The following PTPRD variants were observed in gnomAD, a reference collection of about 807,000 sequenced individuals.
The protein encoded by PTPRD is receptor-type tyrosine-protein phosphatase delta.
Under a neutral mutation model 214.5 loss-of-function variants are expected in PTPRD, and 34 were observed. The observed-to-expected ratio is 0.16, with a 90% confidence interval of 0.12 to 0.21. The LOEUF (loss-of-function observed/expected upper bound fraction) is 0.21. Ranked by LOEUF, PTPRD falls within the 10% of genes least tolerant of loss-of-function variation. PTPRD has a pLI of 1.00. For synonymous variants in PTPRD, 1,128 were observed against 845.7 expected (o/e 1.33, Z -5.79); for missense variants, 2,545 against 2,398.7 (o/e 1.06, Z -1.27).
intron 35 of PTPRD, among the ~76,000 whole-genome samples, chr9:8,416,209 G>A (rs914590829): frequency 4.6e-5 from 7 of 152,106 alleles, no homozygotes; most frequent in Non-Finnish European, 7.4e-5. Flanking sequence ...ATCTAGTGAC[G>A]TGGAAAGATA....
chr9:8,524,548 C>T (rs2097965012), intron 18 of PTPRD, among the ~76,000 whole-genome samples: 2 of 151,906 alleles, frequency 1.3e-5, no homozygotes, highest in East Asian at 1.9e-4. Context: ...ATTAGTAGCA[C>T]ACCAAGCAAT....
rs151017923 is a variant in PTPRD, at chr9:9,082,890, G to A, written c.-142-64155C>T. Among the ~76,000 whole-genome samples, 1,088 of 152,142 alleles carry A rather than the reference G, an allele frequency of 7.2e-3. 11 individuals are homozygous for A. The highest frequency in any genetic ancestry group is 0.016 in the African/African-American group (649 of 41,514). ...AGGAGAACTACAAACCACTGCTCAA[G>A]GAAAACAGAGAGGATACAAACGAAT... On this transcript the variant is annotated intron_variant, in intron 10 of 45. Transcript: ENST00000381196.
rs548091296 is a variant in PTPRD, at chr9:9,715,915, C to T, written c.-287+18618G>A. 1.5e-3 allele frequency among the ~76,000 whole-genome samples: 222 copies of T among 152,208 alleles called. 2 individuals are homozygous for T. The highest frequency in any genetic ancestry group is 4.7e-3 in the African/African-American group (195 of 41,540). On this transcript the variant is annotated intron_variant, in intron 7 of 45. Coordinates refer to ENST00000381196, the MANE Select transcript of PTPRD (RefSeq NM_002839.4). Reference sequence around the variant, plus strand: ...ATGTGCACAATGTGCAGGTTAGTTACGTATGTATACATGTGCCATGCTGGT... The same window carrying T: ...ATGTGCACAATGTGCAGGTTAGTTATGTATGTATACATGTGCCATGCTGGT...
chr9:8,444,534 CAAAT>C (rs2095654579), intron 34 of PTPRD, among the ~76,000 whole-genome samples: 1 of 151,574 alleles, frequency 6.6e-6, no homozygotes, highest in African/African-American at 2.4e-5. Flanking sequence ...TTAAATATGT[CAAAT>C]AAAAAAGAAA....
At chr9:8,696,965 TTC>T (rs2097923394) in intron 12 of PTPRD, among the ~76,000 whole-genome samples, 1 of 137,500 alleles carries the variant, frequency 7.3e-6, no homozygotes, top group African/African-American at 3.0e-5. Flanking sequence ...CATTTTAGTT[TTC>T]TCTTTCTTTT....
intron 4 of PTPRD, among the ~76,000 whole-genome samples, chr9:9,981,096 C>G (rs1042705821): frequency 1.3e-5 from 2 of 152,036 alleles, no homozygotes; most frequent in African/African-American, 4.8e-5. Context: ...AAGTCTACAT[C>G]ACGTTATTAT....
At chr9:8,858,579 C>A (rs987481612) in intron 11 of PTPRD, among the ~76,000 whole-genome samples, 1 of 152,166 alleles carries the variant, frequency 6.6e-6, no homozygotes, top group African/African-American at 2.4e-5. Context: ...ATCCTCGTAA[C>A]GTGCTGGGGA....
intron 11 of PTPRD, among the ~76,000 whole-genome samples, chr9:8,758,380 G>C (rs1262519492): frequency 6.6e-6 from 1 of 152,108 alleles, no homozygotes; most frequent in Non-Finnish European, 1.5e-5. Context: ...TGTGAGTTCA[G>C]GATGGGAAAA....
intron 2 of PTPRD, among the ~76,000 whole-genome samples, chr9:10,531,632 T>C (rs1438397580): frequency 6.6e-6 from 1 of 152,202 alleles, no homozygotes; most frequent in Non-Finnish European, 1.5e-5. Context: ...TGACATTGGA[T>C]ACAAAGTTGT....
intron 12 of PTPRD, among the ~76,000 whole-genome samples, chr9:8,682,225 A>G (rs2097565086): frequency 6.6e-6 from 1 of 152,222 alleles, no homozygotes; most frequent in Non-Finnish European, 1.5e-5. Flanking sequence ...TTTGCACGAG[A>G]GAAGTCTAAA....
chr9:9,851,875 T>C (rs2060611664), intron 5 of PTPRD, among the ~76,000 whole-genome samples: 1 of 152,342 alleles, frequency 6.6e-6, no homozygotes. Flanking sequence ...CATGATCCCT[T>C]ACTGTTAACA....
chr9:10,089,492 G>T (rs1590849501), intron 3 of PTPRD, among the ~76,000 whole-genome samples: 1 of 151,540 alleles, frequency 6.6e-6, no homozygotes, highest in East Asian at 2.0e-4. Flanking sequence ...TAATAATGGT[G>T]AGTGGGATTA....
intron 5 of PTPRD, among the ~76,000 whole-genome samples, chr9:9,779,712 G>A (rs572995771): frequency 1.3e-5 from 2 of 152,218 alleles, no homozygotes; most frequent in Middle Eastern, 6.8e-3. Context: ...ACAACAGCTG[G>A]TAAGGCTATG....
chr9:10,519,040 G>T (rs188849316), intron 2 of PTPRD, among the ~76,000 whole-genome samples: 1 of 151,538 alleles, frequency 6.6e-6, no homozygotes, highest in East Asian at 1.9e-4. Context: ...CTTACCTTTT[G>T]CCTCCCAGCT....
intron 2 of PTPRD, among the ~76,000 whole-genome samples, chr9:10,350,858 C>T (rs113597804): frequency 0.012 from 1,805 of 152,218 alleles, 50 homozygotes; most frequent in African/African-American, 0.041. Context: ...AACAAAGAGA[C>T]AGGTGTTTGG....
intron 5 of PTPRD, chr9:9,799,430 G>T (rs1175448207): frequency 1.3e-5 from 2 of 152,274 alleles, no homozygotes; most frequent in East Asian, 3.9e-4. Flanking sequence ...AGCCCTAAGG[G>T]TAGAAAGGGA....
At chr9:8,677,885 A>T (rs1029994207) in intron 12 of PTPRD, among the ~76,000 whole-genome samples, 6 of 152,102 alleles carry the variant, frequency 3.9e-5, no homozygotes, top group Non-Finnish European at 8.8e-5. Context: ...AATCAGAGGA[A>T]GGGGAAAGCA....
At chr9:9,452,717 T>C (rs1002232455) in intron 8 of PTPRD, among the ~76,000 whole-genome samples, 1 of 151,234 alleles carries the variant, frequency 6.6e-6, no homozygotes, top group African/African-American at 2.4e-5. Context: ...TTAAAGTCAA[T>C]TATCAGATAT....
intron 2 of PTPRD, among the ~76,000 whole-genome samples, chr9:10,422,361 G>C (rs1168300094): frequency 6.6e-6 from 1 of 151,700 alleles, no homozygotes; most frequent in Non-Finnish European, 1.5e-5. Context: ...AAACCATACA[G>C]GAAAACCTAG....
Sources: gnomAD v4.1 joint callset for allele counts (sites outside exome capture counted in the v4.1 genomes callset) on GRCh38, gnomAD v4.1.1 for gene constraint, MANE v1.5 for transcripts, NCBI Gene and HGNC (gene_info 2026-07-23, HGNC 2026-07-21) for gene names.